Variants in CADPS2 observed in about 807,000 individuals in gnomAD.
CADPS2 encodes the protein calcium-dependent secretion activator 2.
A neutral mutation model predicts 172.5 loss-of-function variants in CADPS2; 93 were observed. The ratio of observed to expected loss-of-function variants is 0.54; its 90% CI spans 0.46 to 0.64. CADPS2 has a LOEUF of 0.64. Ranked by LOEUF, CADPS2 falls within the 30% of genes least tolerant of loss-of-function variation. The probability of loss-of-function intolerance (pLI) is 0.00; values close to 1 mark genes in which losing one functional copy is unlikely to be tolerated. For missense variants in CADPS2, 1,420 were observed against 1,565.9 expected, an observed-to-expected ratio of 0.91 and a Z score of 1.57; for synonymous variants, 546 against 555.2, an observed-to-expected ratio of 0.98 and a Z score of 0.23.
At chr7:122,791,501 C>A (rs1052345763) in intron 1 of CADPS2, among the ~76,000 whole-genome samples, 2 of 152,076 alleles carry the variant, frequency 1.3e-5, no homozygotes, top group Non-Finnish European at 2.9e-5. Flanking sequence ...ACCAGCATAG[C>A]AACTCATAAT....
rs566321346 is a variant in CADPS2, at chr7:122,881,221, G to C, written c.339+4778C>G. ...AGGCAAACAAAACGAAACTGAAAAG[G>C]GAAAACACACCATTAAAATATTTTA... On this transcript the variant is annotated intron_variant, in intron 1 of 29. Coordinates refer to ENST00000449022, the MANE Select transcript of CADPS2 (RefSeq NM_017954.11). Among the ~76,000 whole-genome samples, 3 of 152,142 alleles carry C rather than the reference G, an allele frequency of 2.0e-5. No individual in the cohort carries two copies. In the East Asian group the frequency reaches 5.8e-4, roughly 29 times the overall value.
intron 6 of CADPS2, among the ~76,000 whole-genome samples, chr7:122,588,771 TTCATGAAAATGAG>T (rs962214919): frequency 4.0e-4 from 60 of 151,890 alleles, no homozygotes; most frequent in Admixed American, 3.3e-3. Context: ...ATTCACTCAA[TTCATGAAAATGAG>T]TAAGGACTGT....
Position 122,574,445 on chromosome 7 carries a change from T to TAAAAAAAAAA in CADPS2, c.1335+6724_1335+6733dup, listed in dbSNP as rs869077766. ...TGGGTGATAGAGTGAGACCCTGTCT[T>TAAAAAAAAAA]AAAAAAAAAAAAAAAAAAAAAAAGT... On this transcript the variant is annotated intron_variant, in intron 7 of 29. Coordinates refer to ENST00000449022, the MANE Select transcript of CADPS2 (RefSeq NM_017954.11). Among the ~76,000 whole-genome samples the TAAAAAAAAAA allele has an allele frequency of 4.7e-3, 179 of 37,970 alleles. 33 individuals carry two copies. Among genetic ancestry groups the TAAAAAAAAAA allele is most frequent in the East Asian group, 9.4e-3 (12 of 1,278 alleles). The allele number at this position is 37,970 out of a possible 152,430, so 24.9% of individuals were successfully genotyped here.
At chr7:122,584,084 T>A (rs2069275508) in intron 6 of CADPS2, among the ~76,000 whole-genome samples, 1 of 151,780 alleles carries the variant, frequency 6.6e-6, no homozygotes, top group Non-Finnish European at 1.5e-5. Flanking sequence ...TTATTGAGAC[T>A]AGCCTGTATA....
intron 1 of CADPS2, among the ~76,000 whole-genome samples, chr7:122,788,089 C>T (rs905478171): frequency 6.6e-6 from 1 of 152,142 alleles, no homozygotes; most frequent in Non-Finnish European, 1.5e-5. Flanking sequence ...AAAATCTGCC[C>T]AGCCATCAGG....
At chr7:122,576,440 T>C (rs2068049281) in intron 7 of CADPS2, among the ~76,000 whole-genome samples, 1 of 152,150 alleles carries the variant, frequency 6.6e-6, no homozygotes, top group Non-Finnish European at 1.5e-5. Flanking sequence ...ACAACTAATT[T>C]CATCTGTCTC....
At chr7:122,447,850 G>C (rs1449229760) in intron 15 of CADPS2, among the ~76,000 whole-genome samples, 1 of 152,000 alleles carries the variant, frequency 6.6e-6, no homozygotes, top group Admixed American at 6.6e-5. Flanking sequence ...ACTGCACCCA[G>C]CCAGTTTCAG....
chr7:122,844,685 G>A (rs1811485365), intron 1 of CADPS2, among the ~76,000 whole-genome samples: 1 of 152,056 alleles, frequency 6.6e-6, no homozygotes, highest in South Asian at 2.1e-4. Flanking sequence ...TTATGCTCAG[G>A]GGCTCAGGTA....
chr7:122,532,490 C>G (rs1052175150), intron 8 of CADPS2, among the ~76,000 whole-genome samples: 27 of 152,232 alleles, frequency 1.8e-4, no homozygotes, highest in African/African-American at 6.3e-4. Flanking sequence ...CTTACATGGA[C>G]AGCTTGTGAA....
At chr7:122,479,636 C>T (rs776490615) in intron 12 of CADPS2, among the ~76,000 whole-genome samples, 6 of 152,130 alleles carry the variant, frequency 3.9e-5, no homozygotes, top group Non-Finnish European at 8.8e-5. Flanking sequence ...GCCAATAACA[C>T]GTAAGTAATA....
chr7:122,471,280 C>T, intron 14 of CADPS2, 95 bp downstream of exon 14: 1 of 352,224 alleles, frequency 2.8e-6, no homozygotes, highest in Non-Finnish European at 4.9e-6. Flanking sequence ...TTGCTATTTA[C>T]AATCTGTTAC....
chr7:122,650,161 C>G (rs901120516), intron 3 of CADPS2, among the ~76,000 whole-genome samples: 3 of 151,734 alleles, frequency 2.0e-5, no homozygotes, highest in African/African-American at 7.3e-5. Flanking sequence ...CCACCCACCT[C>G]AGGCTCCCAA....
intron 1 of CADPS2, among the ~76,000 whole-genome samples, chr7:122,844,095 T>C (rs1811317534): frequency 1.3e-5 from 2 of 152,212 alleles, no homozygotes; most frequent in Admixed American, 1.3e-4. Context: ...AGTGAGTCTG[T>C]AGCCTTCTGC....
At chr7:122,608,522 AG>A (rs1418299752) in intron 6 of CADPS2, among the ~76,000 whole-genome samples, 3 of 152,164 alleles carry the variant, frequency 2.0e-5, no homozygotes, top group Non-Finnish European at 4.4e-5. Flanking sequence ...AAGAATTTAA[AG>A]TTTCCAGAAG....
chr7:122,862,486 C>G (rs1053747975), intron 1 of CADPS2, among the ~76,000 whole-genome samples: 1 of 152,194 alleles, frequency 6.6e-6, no homozygotes, highest in Non-Finnish European at 1.5e-5. Context: ...AAAACCACAG[C>G]TTCCATCAGA....
rs1205155217 is a variant in CADPS2, at chr7:122,508,449, G to GTTTTTTTTTTTTTTT, written c.1542+4785_1542+4799dup. ...TCCAGTTATTTATTTATTCATTTAA[G>GTTTTTTTTTTTTTTT]TTTTTTTTTTTTTTTTTTTTTTTTT... On this transcript the variant is annotated intron_variant, in intron 9 of 29. Transcript: ENST00000449022. Among the ~76,000 whole-genome samples the GTTTTTTTTTTTTTTT allele has an allele frequency of 5.4e-4, 37 of 68,428 alleles. 4 individuals are homozygous for GTTTTTTTTTTTTTTT. The highest frequency in any genetic ancestry group is 1.3e-3 in the African/African-American group (25 of 19,716). The allele number at this position is 68,428 out of a possible 152,430, so 44.9% of individuals were successfully genotyped here. A position where few individuals can be genotyped will look rare whatever the true frequency, so the allele number is the denominator to read the frequency against.
intron 3 of CADPS2, among the ~76,000 whole-genome samples, chr7:122,653,267 G>A (rs1426311820): frequency 6.6e-6 from 1 of 152,134 alleles, no homozygotes; most frequent in Non-Finnish European, 1.5e-5. Context: ...GCCACACAAG[G>A]GTAAACACAT....
chr7:122,571,079 A>G (rs1194623998), intron 7 of CADPS2, among the ~76,000 whole-genome samples: 1 of 152,118 alleles, frequency 6.6e-6, no homozygotes, highest in Non-Finnish European at 1.5e-5. Context: ...CAAGCCAAAG[A>G]CTGAGAGAAA....
At chr7:122,749,359 G>A (rs2092851610) in intron 1 of CADPS2, among the ~76,000 whole-genome samples, 1 of 152,100 alleles carries the variant, frequency 6.6e-6, no homozygotes. Context: ...GAGAAGAAGG[G>A]TAGTCAGAGA....
Sources: gnomAD v4.1 joint callset for allele counts (sites outside exome capture counted in the v4.1 genomes callset) on GRCh38, gnomAD v4.1.1 for gene constraint, MANE v1.5 for transcripts, NCBI Gene and HGNC (gene_info 2026-07-23, HGNC 2026-07-21) for gene names.